The following DOCK1 variants were observed in gnomAD, a reference collection of about 807,000 sequenced individuals.
DOCK1 encodes dedicator of cytokinesis 1.
DOCK1 carries 138 observed loss-of-function variants against 262.7 expected under a neutral mutation model. The ratio of observed to expected loss-of-function variants is 0.53; its 90% CI spans 0.46 to 0.61. The LOEUF (loss-of-function observed/expected upper bound fraction) is 0.61, where lower values mean the gene tolerates loss of function less well. Ranked by LOEUF, DOCK1 falls within the 20% of genes least tolerant of loss-of-function variation. The pLI is 0.00. For missense variants in DOCK1, 1,908 were observed against 2,370.7 expected, an observed-to-expected ratio of 0.80 and a Z score of 4.05; for synonymous variants, 866 against 867.4, an observed-to-expected ratio of 1.00 and a Z score of 0.03.
At chr10:127,341,303 A>G (rs2063415307) in intron 30 of DOCK1, among the ~76,000 whole-genome samples, 1 of 152,202 alleles carries the variant, frequency 6.6e-6, no homozygotes, top group South Asian at 2.1e-4. Context: ...CTTAATCCTT[A>G]TACCTTTGTA....
chr10:126,925,724 C>CTGTGTGTGTGTGTG (rs71032531), intron 1 of DOCK1, among the ~76,000 whole-genome samples: 2 of 141,206 alleles, frequency 1.4e-5, no homozygotes, highest in Non-Finnish European at 1.5e-5. Flanking sequence ...ATTGCAGAGT[C>CTGTGTGTGTGTGTG]TGTGTGTGTG....
intron 23 of DOCK1, among the ~76,000 whole-genome samples, chr10:127,088,759 C>T (rs1016592280): frequency 6.6e-6 from 1 of 152,070 alleles, no homozygotes; most frequent in Non-Finnish European, 1.5e-5. Flanking sequence ...CTGAAAGGGA[C>T]TTAGAATCCC....
intron 27 of DOCK1, among the ~76,000 whole-genome samples, chr10:127,132,933 C>T (rs2050412759): frequency 6.6e-6 from 1 of 152,150 alleles, no homozygotes; most frequent in Admixed American, 6.5e-5. Flanking sequence ...TGAACATTGA[C>T]AGAAGTGGGC....
At chr10:127,262,046 G>A (rs1590182493) in intron 29 of DOCK1, among the ~76,000 whole-genome samples, 3 of 137,380 alleles carry the variant, frequency 2.2e-5, no homozygotes, top group Admixed American at 2.2e-4. Flanking sequence ...GTGTGTGTGT[G>A]TACCTGTGCT....
intron 29 of DOCK1, among the ~76,000 whole-genome samples, chr10:127,263,619 G>A (rs1185667384): frequency 6.6e-6 from 1 of 152,220 alleles, no homozygotes; most frequent in Non-Finnish European, 1.5e-5. Flanking sequence ...GGGAGCAGCT[G>A]CTAAGGTTTC....
chr10:127,358,369 G>A (rs111864052), intron 32 of DOCK1, among the ~76,000 whole-genome samples: 10 of 152,284 alleles, frequency 6.6e-5, no homozygotes, highest in African/African-American at 2.4e-4. Flanking sequence ...TTTTGAGTCT[G>A]AAAGGGGAAA....
chr10:127,404,813 A>G (rs2067424285), intron 40 of DOCK1, among the ~76,000 whole-genome samples: 1 of 152,136 alleles, frequency 6.6e-6, no homozygotes, highest in Admixed American at 6.5e-5. Flanking sequence ...TTCATCTTGC[A>G]AAACTGAGAT....
chr10:127,045,487 A>T (rs545049604), intron 21 of DOCK1, among the ~76,000 whole-genome samples: 1 of 152,208 alleles, frequency 6.6e-6, no homozygotes, highest in Admixed American at 6.5e-5. Flanking sequence ...ATTATCCCAG[A>T]GTGTCCTTGT....
At chr10:126,931,479 G>C (rs986932805) in intron 1 of DOCK1, among the ~76,000 whole-genome samples, 26 of 151,948 alleles carry the variant, frequency 1.7e-4, no homozygotes, top group Non-Finnish European at 7.4e-5. Context: ...AGGTTCAGGA[G>C]CCCGAGCTGA....
Position 127,130,065 on chromosome 10 carries a change from C to CTT in DOCK1, c.2847+2331_2847+2332dup, listed in dbSNP as rs74721427. Among the ~76,000 whole-genome samples the CTT allele has an allele frequency of 1.4e-4, 16 of 117,546 alleles. 1 individual carries two copies. The highest frequency in any genetic ancestry group is 5.9e-4 in the African/African-American group (15 of 25,372). 77.1% of individuals were successfully genotyped at this position (117,546 alleles called of 152,430 possible). ...CAATCCTGCCTCCAGTTAGGGTCTT[C>CTT]TTTTTTTTTTTTTTTTTTTTTTTTT... On this transcript the variant is annotated intron_variant, in intron 27 of 51. Coordinates refer to ENST00000623213, the MANE Select transcript of DOCK1 (RefSeq NM_001290223.2).
In DOCK1 at chr10:126,995,609, C is replaced by T. The variant is rs1023345861; in HGVS notation, c.474-1139C>T. Among the ~76,000 whole-genome samples, 27 of 152,288 alleles carry T rather than the reference C, an allele frequency of 1.8e-4. No homozygotes were observed. The highest frequency in any genetic ancestry group is 4.1e-4 in the South Asian group (2 of 4,822). ...GCGGCAGTACAGTCCAGCCTTGGCT[C>T]GGCATCAGAGGCAGACCGTGGAGAG... On this transcript the variant is annotated intron_variant, in intron 6 of 51. Coordinates refer to ENST00000623213, the MANE Select transcript of DOCK1 (RefSeq NM_001290223.2). This position sits in a 1 kb window ranked among gnomAD's most constrained non-coding sequence, Gnocchi z 5.8.
At chr10:127,417,492 C>T (rs1447516412) in intron 44 of DOCK1, among the ~76,000 whole-genome samples, 1 of 152,194 alleles carries the variant, frequency 6.6e-6, no homozygotes, top group Non-Finnish European at 1.5e-5. Context: ...TTAACCATGG[C>T]AAGTGTGCAA....
chr10:127,362,980 TACACATCC>T (rs1565027274), intron 33 of DOCK1, among the ~76,000 whole-genome samples: 22 of 21,004 alleles, frequency 1.0e-3, no homozygotes, highest in Non-Finnish European at 1.7e-3. Context: ...CACATACACA[TACACATCC>T]CCCCCCACAC....
chr10:127,339,477 C>T (rs951271652), intron 30 of DOCK1, among the ~76,000 whole-genome samples: 1 of 152,126 alleles, frequency 6.6e-6, no homozygotes, highest in Non-Finnish European at 1.5e-5. Context: ...GCTTTTATAA[C>T]TCTGTGTTCC....
intron 1 of DOCK1, among the ~76,000 whole-genome samples, chr10:126,915,130 C>T (rs1028403155): frequency 6.6e-6 from 1 of 152,038 alleles, no homozygotes; most frequent in Non-Finnish European, 1.5e-5. Flanking sequence ...TGGTCTCCTC[C>T]ACGTGTTCCT....
At chr10:126,997,865 T>C in intron 7 of DOCK1, 1 of 515,992 alleles carries the variant, frequency 1.9e-6, no homozygotes, top group Non-Finnish European at 3.4e-6. Flanking sequence ...AAGTTTTGTA[T>C]CTCTGAAAAT....
chr10:127,269,913 C>A (rs2060500028), intron 29 of DOCK1, among the ~76,000 whole-genome samples: 2 of 152,238 alleles, frequency 1.3e-5, no homozygotes, highest in African/African-American at 4.8e-5. Context: ...ACGAGGAGGT[C>A]CTCAGTGAAT....
chr10:127,105,869 C>G (rs1269634673), intron 23 of DOCK1, among the ~76,000 whole-genome samples: 1 of 152,154 alleles, frequency 6.6e-6, no homozygotes. Context: ...AGGTGATTCT[C>G]CTGCCTCAGC....
intron 1 of DOCK1, among the ~76,000 whole-genome samples, chr10:126,929,318 C>A (rs2034009956): frequency 6.6e-6 from 1 of 152,192 alleles, no homozygotes; most frequent in Non-Finnish European, 1.5e-5. Context: ...AAAGCAATTG[C>A]TACCCCTTAG....
Sources: gnomAD v4.1 joint callset for allele counts (sites outside exome capture counted in the v4.1 genomes callset) on GRCh38, gnomAD v4.1.1 for gene constraint, Gnocchi (gnomAD v3.1) non-coding constraint, MANE v1.5 for transcripts, NCBI Gene and HGNC (gene_info 2026-07-23, HGNC 2026-07-21) for gene names.